The following KCNG2 variants were observed in gnomAD, a reference collection of about 807,000 sequenced individuals.
KCNG2 encodes voltage-gated potassium channel regulatory subunit KCNG2.
Under a neutral mutation model 12.3 loss-of-function variants are expected in KCNG2, and 7 were observed. That is an observed-to-expected ratio of 0.57 (90% confidence interval 0.32 to 1.07). The LOEUF is 1.07. KCNG2 is among the 50% of genes least tolerant of loss of function. The pLI, the probability that KCNG2 is intolerant of heterozygous loss-of-function variation, is 0.04. For missense variants in KCNG2, 703 were observed against 726.0 expected, an observed-to-expected ratio of 0.97 and a Z score of 0.36; for synonymous variants, 414 against 351.4, an observed-to-expected ratio of 1.18 and a Z score of -1.99.
At chr18:79,846,098 C>T (rs560130143) in intron 1 of KCNG2, among the ~76,000 whole-genome samples, 4 of 146,526 alleles carry the variant, frequency 2.7e-5, no homozygotes, top group East Asian at 4.1e-4. Flanking sequence ...CTTGGCTGGG[C>T]GCGGTGGCTC....
At chr18:79,895,457 CTG>C (rs1471057214) in intron 3 of KCNG2, among the ~76,000 whole-genome samples, 1 of 151,512 alleles carries the variant, frequency 6.6e-6, no homozygotes, top group Non-Finnish European at 1.5e-5. Context: ...ATAGTTGGGT[CTG>C]TGTCTGCCTT....
At chr18:79,834,025 C>T (rs74765881) in intron 1 of KCNG2, among the ~76,000 whole-genome samples, 15 of 152,340 alleles carry the variant, frequency 9.8e-5, no homozygotes, top group East Asian at 3.9e-4. Context: ...GGCCAGGGGA[C>T]GGTGGGCTGA....
intron 3 of KCNG2, among the ~76,000 whole-genome samples, chr18:79,890,717 G>A (rs1980715809): frequency 6.6e-6 from 1 of 152,126 alleles, no homozygotes; most frequent in Admixed American, 6.5e-5. Flanking sequence ...CTTTTCTTGT[G>A]GGTAGTTTGA....
At chr18:79,862,075 G>A (rs1243308908) in intron 2 of KCNG2, among the ~76,000 whole-genome samples, 3 of 152,114 alleles carry the variant, frequency 2.0e-5, no homozygotes, top group Non-Finnish European at 2.9e-5. Context: ...TATTAAATAA[G>A]CTTATGTGAA....
chr18:79,824,486 T>C lies in KCNG2; in HGVS notation c.-115+26472T>C, dbSNP rs143746394. On this transcript the variant is annotated intron_variant, in intron 1 of 3. Transcript: ENST00000316249. The stretch of plus-strand genomic sequence containing the variant: ...ACGGTTTCACCCCTTCTTTACCTGC[T>C]CTATGCTTCTGATTGATTTTTGCTG... Among the ~76,000 whole-genome samples the C allele has an allele frequency of 4.4e-3, 673 of 152,350 alleles. 8 individuals carry two copies. The highest frequency in any genetic ancestry group is 0.015 in the African/African-American group (640 of 41,570).
rs2123110200 is a variant in KCNG2, at chr18:79,881,669, T to A, written c.625-17371T>A. Among the ~76,000 whole-genome samples, 2 of 152,298 alleles carry A rather than the reference T, an allele frequency of 1.3e-5. 1 individual carries two copies. Among genetic ancestry groups the A allele is most frequent in the South Asian group, 4.1e-4 (2 of 4,826 alleles). On this transcript the variant is annotated intron_variant, in intron 3 of 3. Transcript: ENST00000316249. ...CTGAAGACTCGGTGTGACTAAGATG[T>A]CCACCCTCCCCATAGTCCATCTCCA...
chr18:79,821,181 C>T (rs1470262556), intron 1 of KCNG2, among the ~76,000 whole-genome samples: 1 of 152,114 alleles, frequency 6.6e-6, no homozygotes, highest in East Asian at 1.9e-4. Context: ...GTCATTTAAG[C>T]AACCATTGCC....
chr18:79,896,877 T>A (rs1347172831), intron 3 of KCNG2, among the ~76,000 whole-genome samples: 1 of 152,226 alleles, frequency 6.6e-6, no homozygotes, highest in African/African-American at 2.4e-5. Flanking sequence ...GCAGGGTTTT[T>A]TTCCTTTGAG....
chr18:79,807,647 G>A (rs1401112262), intron 1 of KCNG2, among the ~76,000 whole-genome samples: 4 of 152,190 alleles, frequency 2.6e-5, no homozygotes, highest in Admixed American at 2.0e-4. Flanking sequence ...AGCACACGCT[G>A]AAGAAACAAG....
At chr18:79,837,321 G>C (rs1450848224) in intron 1 of KCNG2, among the ~76,000 whole-genome samples, 1 of 152,226 alleles carries the variant, frequency 6.6e-6, no homozygotes, top group African/African-American at 2.4e-5. Flanking sequence ...GCAGGGCACA[G>C]CCCCCATGGC....
chr18:79,870,282 C>T (rs540015919), intron 3 of KCNG2, among the ~76,000 whole-genome samples: 8 of 152,360 alleles, frequency 5.3e-5, no homozygotes, highest in South Asian at 4.1e-4. Context: ...CGGCAGGGAG[C>T]GGTGTCTTCT....
intron 3 of KCNG2, among the ~76,000 whole-genome samples, chr18:79,890,075 A>G (rs546005021): frequency 6.1e-4 from 93 of 152,310 alleles, no homozygotes; most frequent in Admixed American, 2.2e-3. Context: ...AATCCCACTC[A>G]GTCCTGATGT....
In KCNG2 at chr18:79,822,927, G is replaced by T. The variant is rs1479528641; in HGVS notation, c.-115+24913G>T. 6.6e-6 allele frequency among the ~76,000 whole-genome samples: 1 copy of T among 152,230 alleles called. No individual in the cohort carries two copies. The highest frequency in any genetic ancestry group is 1.5e-5 in the Non-Finnish European group (1 of 68,048). ...GTGGGCGTTGGTGTTGCGTGTGGGTGTGGCTCACTTGTGGCATGTGAAGAG... is the reference window on the plus strand; with the variant it reads ...GTGGGCGTTGGTGTTGCGTGTGGGTTTGGCTCACTTGTGGCATGTGAAGAG... On this transcript the variant is annotated intron_variant, in intron 1 of 3. Transcript: ENST00000316249. This position sits in a 1 kb window ranked among gnomAD's most constrained non-coding sequence, Gnocchi z 4.4.
At chr18:79,847,473 G>A (rs897022289) in intron 1 of KCNG2, among the ~76,000 whole-genome samples, 1 of 152,184 alleles carries the variant, frequency 6.6e-6, no homozygotes, top group Non-Finnish European at 1.5e-5. Context: ...CACGCTAAGC[G>A]ATCTTTACCC....
At chr18:79,844,144 C>T (rs1483617783) in intron 1 of KCNG2, among the ~76,000 whole-genome samples, 3 of 152,006 alleles carry the variant, frequency 2.0e-5, no homozygotes, top group Admixed American at 2.0e-4. Flanking sequence ...TCACAATAGC[C>T]AAGATATGAA....
At chr18:79,811,364 T>G (rs2087493069) in intron 1 of KCNG2, among the ~76,000 whole-genome samples, 1 of 152,222 alleles carries the variant, frequency 6.6e-6, no homozygotes, top group South Asian at 2.1e-4. Flanking sequence ...GGTATTGGCA[T>G]AAGGAGAGAC....
In KCNG2 at chr18:79,899,307, G is replaced by T. The variant is rs775688513; in HGVS notation, c.892G>T (p.Val298Leu). ...GCTGCGTGCGCTGCGCGTGCTCTAC[G>T]TGATGCGCCTGGCGCGCCACTCGCT... ...RLLRALRVLY[V>L]MRLARHSLGL... The change falls in exon 4 of 4, where the codon GTG (valine) becomes TTG (leucine). Residue 298 changes from valine to leucine, a missense_variant. Coordinates refer to ENST00000316249, the MANE Select transcript of KCNG2 (RefSeq NM_012283.2). 2.2e-5 allele frequency: 34 copies of T among 1,560,520 alleles called. No individual in the cohort carries two copies. The highest frequency in any genetic ancestry group is 2.9e-5 in the Non-Finnish European group (34 of 1,163,184).
intron 3 of KCNG2, among the ~76,000 whole-genome samples, chr18:79,888,358 T>C (rs780183002): frequency 4.6e-5 from 7 of 152,124 alleles, no homozygotes; most frequent in South Asian, 2.1e-4. Flanking sequence ...GCAGGGGGGC[T>C]GGGACAGCAG....
chr18:79,826,331 A>G (rs775370585), intron 1 of KCNG2, among the ~76,000 whole-genome samples: 3 of 152,386 alleles, frequency 2.0e-5, no homozygotes, highest in Non-Finnish European at 4.4e-5. Flanking sequence ...CTCCAGAGCC[A>G]GGCTCCAGGC....
Sources: allele counts gnomAD v4.1 joint callset (sites outside exome capture counted in the v4.1 genomes callset), GRCh38; gene constraint gnomAD v4.1.1; non-coding constraint Gnocchi (gnomAD v3.1); transcripts MANE v1.5; gene names NCBI Gene and HGNC (gene_info 2026-07-23, HGNC 2026-07-21).